The following SLC25A17 variants were observed in gnomAD, a reference collection of about 807,000 sequenced individuals.
SLC25A17 encodes the protein solute carrier family 25 member 17.
SLC25A17 carries 26 observed loss-of-function variants against 38.5 expected under a neutral mutation model. The ratio of observed to expected loss-of-function variants is 0.68; its 90% CI spans 0.50 to 0.94. The LOEUF (loss-of-function observed/expected upper bound fraction) is 0.94. Among genes scored for constraint, SLC25A17 ranks in the 40% least tolerant of loss-of-function variants. The pLI, the probability that SLC25A17 is intolerant of heterozygous loss-of-function variation, is 0.00. For synonymous variants in SLC25A17, 139 were observed against 136.2 expected (o/e 1.02, Z -0.14); for missense variants, 333 against 372.7 (o/e 0.89, Z 0.88).
chr22:40,778,642 T>C (rs1273471979), intron 5 of SLC25A17, among the ~76,000 whole-genome samples: 1 of 152,256 alleles, frequency 6.6e-6, no homozygotes, highest in Non-Finnish European at 1.5e-5. Context: ...TATGTATATA[T>C]GTGCCATGTC....
chr22:40,806,531 T>G (rs1374274376), intron 1 of SLC25A17, among the ~76,000 whole-genome samples: 1 of 152,156 alleles, frequency 6.6e-6, no homozygotes, highest in African/African-American at 2.4e-5. Flanking sequence ...GGCTCTTCTA[T>G]TTTGGTTGTC....
At chr22:40,786,911 C>T (rs2057343286) in intron 4 of SLC25A17, among the ~76,000 whole-genome samples, 3 of 152,298 alleles carry the variant, frequency 2.0e-5, no homozygotes, top group Middle Eastern at 3.4e-3. Flanking sequence ...ATTCACTCAA[C>T]GTTTAATAAG....
At chr22:40,775,834 T>C (rs1037948043) in intron 7 of SLC25A17, among the ~76,000 whole-genome samples, 1 of 152,146 alleles carries the variant, frequency 6.6e-6, no homozygotes, top group Non-Finnish European at 1.5e-5. Context: ...AAGGACATGT[T>C]TGCTTCCCCT....
At chr22:40,800,447 C>T (rs887860193) in intron 1 of SLC25A17, among the ~76,000 whole-genome samples, 17 of 152,092 alleles carry the variant, frequency 1.1e-4, no homozygotes, top group African/African-American at 3.9e-4. Flanking sequence ...CATCTAGGCT[C>T]CAGTGCAGTG....
chr22:40,802,508 G>C (rs2057492442), intron 1 of SLC25A17, among the ~76,000 whole-genome samples: 1 of 152,132 alleles, frequency 6.6e-6, no homozygotes, highest in Non-Finnish European at 1.5e-5. Context: ...AGCCAGGCGT[G>C]GTGGTGGGCA....
chr22:40,816,993 G>C (rs2057647856), intron 1 of SLC25A17, among the ~76,000 whole-genome samples: 1 of 152,174 alleles, frequency 6.6e-6, no homozygotes, highest in Non-Finnish European at 1.5e-5. Flanking sequence ...CTTGCACCTA[G>C]AACAGCGTGT....
chr22:40,785,738 G>T (rs2057332450), intron 4 of SLC25A17, among the ~76,000 whole-genome samples: 1 of 151,832 alleles, frequency 6.6e-6, no homozygotes, highest in Admixed American at 6.6e-5. Context: ...AAGAGACAGG[G>T]TCTCACTCTG....
rs576100222 is a variant in SLC25A17, at chr22:40,789,499, T to C, written c.334+3026A>G. Reference sequence around the variant, plus strand: ...TTCCTTCTTTCCCTACCTTTTAAAATATTTTATGTTTGTTTGTTTATTTAG... The same window carrying C: ...TTCCTTCTTTCCCTACCTTTTAAAACATTTTATGTTTGTTTGTTTATTTAG... On this transcript the variant is annotated intron_variant, in intron 4 of 8. Transcript: ENST00000435456. The surrounding 1 kb of genome is among the most constrained non-coding windows in gnomAD (Gnocchi z 4.5). 1.1e-3 allele frequency among the ~76,000 whole-genome samples: 173 copies of C among 152,268 alleles called. No individual in the cohort carries two copies. Among genetic ancestry groups the C allele is most frequent in the African/African-American group, 4.1e-3 (169 of 41,554 alleles).
chr22:40,796,703 G>A (rs1036527544), intron 2 of SLC25A17, among the ~76,000 whole-genome samples: 5 of 151,740 alleles, frequency 3.3e-5, no homozygotes, highest in African/African-American at 1.2e-4. Context: ...CTATATCTGG[G>A]AATTTATCCC....
intron 4 of SLC25A17, among the ~76,000 whole-genome samples, chr22:40,792,114 C>T (rs1442844855): frequency 6.6e-6 from 1 of 151,990 alleles, no homozygotes; most frequent in African/African-American, 2.4e-5. Context: ...AGACATTATA[C>T]TAAGTGAAGT....
At position 40,816,129 on chromosome 22, in the gene SLC25A17, T is replaced by C. The variant is rs554105672; in HGVS notation, c.54+3066A>G. 2.4e-3 allele frequency among the ~76,000 whole-genome samples: 353 copies of C among 150,032 alleles called. 2 individuals are homozygous for C. The highest frequency in any genetic ancestry group is 8.2e-3 in the African/African-American group (334 of 40,672). ...GCTTGAACCCAGGAGGCGGAGGTTG[T>C]GGTGGGCCGAGATTGCATCACTGCA... On this transcript the variant is annotated intron_variant, in intron 1 of 8. Transcript: ENST00000435456.
At chr22:40,790,740 C>T (rs1028865797) in intron 4 of SLC25A17, among the ~76,000 whole-genome samples, 3 of 152,116 alleles carry the variant, frequency 2.0e-5, no homozygotes, top group Non-Finnish European at 2.9e-5. Flanking sequence ...AACATATAGT[C>T]CATGAATTAG....
intron 5 of SLC25A17, 133 bp from the exon 6 acceptor site, chr22:40,777,506 G>A (rs903912099): frequency 1.8e-5 from 19 of 1,051,812 alleles, no homozygotes; most frequent in East Asian, 2.6e-5. Context: ...TCTTGCAGCC[G>A]GTTGCAATGG....
At chr22:40,802,429 G>A (rs1041288110) in intron 1 of SLC25A17, among the ~76,000 whole-genome samples, 2 of 152,060 alleles carry the variant, frequency 1.3e-5, no homozygotes, top group Admixed American at 6.5e-5. Flanking sequence ...TGGGTCACCT[G>A]AGGTCAGGAG....
At chr22:40,776,743 T>C (rs574162201) in intron 7 of SLC25A17, among the ~76,000 whole-genome samples, 7 of 151,858 alleles carry the variant, frequency 4.6e-5, no homozygotes, top group African/African-American at 1.7e-4. Context: ...CACAAAAAAA[T>C]TTTAAATTAG....
At chr22:40,773,516 C>T (rs1824428793) in intron 8 of SLC25A17, among the ~76,000 whole-genome samples, 1 of 151,416 alleles carries the variant, frequency 6.6e-6, no homozygotes, top group Non-Finnish European at 1.5e-5. Context: ...CTCTTACCAA[C>T]ACCACCATCA....
intron 1 of SLC25A17, among the ~76,000 whole-genome samples, chr22:40,814,827 T>G (rs7291189): frequency 0.51 from 75,496 of 148,360 alleles, 19,922 homozygotes; most frequent in Admixed American, 0.65. Context: ...GTTTTGGTTT[T>G]TTTTGTTTTT....
Position 40,816,077 on chromosome 22 carries a change from T to C in SLC25A17, c.54+3118A>G, listed in dbSNP as rs116743088. On this transcript the variant is annotated intron_variant, in intron 1 of 8. Transcript: ENST00000435456. ...GGCACATGCCTGTAAACCCAGCCAC[T>C]CGGCGAGAGGCTGAGGCAGGAGAAT... Among the ~76,000 whole-genome samples the C allele has an allele frequency of 3.6e-3, 543 of 151,796 alleles. 3 individuals are homozygous for C. Among genetic ancestry groups the C allele is most frequent in the African/African-American group, 0.013 (529 of 41,406 alleles).
At chr22:40,804,106 G>A (rs1202637461) in intron 1 of SLC25A17, among the ~76,000 whole-genome samples, 1 of 152,100 alleles carries the variant, frequency 6.6e-6, no homozygotes, top group Admixed American at 6.5e-5. Context: ...TCTGAGCCCA[G>A]GCCCTGTTCC....
Sources: gnomAD v4.1 joint callset for allele counts (sites outside exome capture counted in the v4.1 genomes callset) on GRCh38, gnomAD v4.1.1 for gene constraint, Gnocchi (gnomAD v3.1) non-coding constraint, MANE v1.5 for transcripts, NCBI Gene and HGNC (gene_info 2026-07-23, HGNC 2026-07-21) for gene names.